The following GRIK3 variants were observed in gnomAD, a reference collection of about 807,000 sequenced individuals.
GRIK3 encodes glutamate receptor ionotropic, kainate 3.
Under a neutral mutation model 102.5 loss-of-function variants are expected in GRIK3, and 29 were observed. The ratio of observed to expected loss-of-function variants is 0.28; its 90% CI spans 0.21 to 0.39. The LOEUF is 0.39. GRIK3 is among the 10% of genes least tolerant of loss of function. The pLI, the probability that GRIK3 is intolerant of heterozygous loss-of-function variation, is 1.00. For missense variants in GRIK3, 908 were observed against 1,252.4 expected (o/e 0.73, Z 4.15); for synonymous variants, 511 against 504.9 (o/e 1.01, Z -0.16).
In GRIK3 at chr1:37,004,269, A is replaced by G. The variant is rs1642508972; in HGVS notation, c.115+29725T>C. 5.9e-5 allele frequency among the ~76,000 whole-genome samples: 9 copies of G among 152,224 alleles called. No individual in the cohort carries two copies. In the South Asian group the frequency reaches 1.9e-3, roughly 32 times the overall value. On this transcript the variant is annotated intron_variant, in intron 1 of 15. Coordinates refer to ENST00000373091, the MANE Select transcript of GRIK3 (RefSeq NM_000831.4). Reference sequence around the variant, plus strand: ...TCTCTGAGTCTCAATGTCCTTATCTATAAAGCAGAGATAATAATACCAGCC... The same window carrying G: ...TCTCTGAGTCTCAATGTCCTTATCTGTAAAGCAGAGATAATAATACCAGCC...
intron 2 of GRIK3, among the ~76,000 whole-genome samples, chr1:36,883,037 G>A (rs983423501): frequency 3.3e-5 from 5 of 152,180 alleles, no homozygotes; most frequent in Non-Finnish European, 7.3e-5. Flanking sequence ...ACAGAGCACC[G>A]AAGCAGGAAT....
Position 36,959,665 on chromosome 1 carries a change from CTG to C in GRIK3, c.116-68571_116-68570del, listed in dbSNP as rs1240428539. Among the ~76,000 whole-genome samples the C allele has an allele frequency of 1.5e-5, 2 of 136,202 alleles. 1 individual carries two copies. The highest frequency in any genetic ancestry group is 3.3e-5 in the Non-Finnish European group (2 of 61,140). The allele number at this position is 136,202 out of a possible 152,430, so 89.4% of individuals were successfully genotyped here. The stretch of plus-strand genomic sequence containing the variant: ...TATGTGTCCCATAAGCTTGTATGCC[CTG>C]TGAGTCTGTGTGCCCTGTGACTCTG... On this transcript the variant is annotated intron_variant, in intron 1 of 15. Coordinates refer to ENST00000373091, the MANE Select transcript of GRIK3 (RefSeq NM_000831.4).
At position 36,805,159 on chromosome 1, in the gene GRIK3, T is replaced by C. The variant is rs1642485135; in HGVS notation, c.2393A>G (p.Lys798Arg). The C allele has an allele frequency of 6.2e-7, 1 of 1,614,170 alleles. No individual in the cohort carries two copies. The stretch of plus-strand genomic sequence containing the variant: ...AGGACACCCGCTGCCCCGCCACCAC[T>C]TCTCCTTCATGATATGCAGCTTGTC... ...EEDKLHIMKE[K>R]WWRGSGCPEE... The change falls in exon 15 of 16, where the codon AAG (lysine) becomes AGG (arginine). Residue 798 changes from lysine to arginine, a missense_variant. Around this residue, in one of 3 missense-constraint regions of GRIK3, gnomAD observed 297 missense variants for 362.7 expected, o/e 0.82. Transcript: ENST00000373091.
At chr1:36,919,066 G>A (rs1641437734) in intron 1 of GRIK3, among the ~76,000 whole-genome samples, 1 of 152,216 alleles carries the variant, frequency 6.6e-6, no homozygotes. Flanking sequence ...CCATAGAGGG[G>A]ACTGTTTTTA....
At chr1:36,968,307 A>G (rs2124354966) in intron 1 of GRIK3, among the ~76,000 whole-genome samples, 1 of 138,496 alleles carries the variant, frequency 7.2e-6, no homozygotes, top group East Asian at 2.1e-4. Context: ...CCATAGATTT[A>G]TTTTTGTCTC....
intron 1 of GRIK3, among the ~76,000 whole-genome samples, chr1:36,995,706 T>C (rs1243394360): frequency 6.6e-6 from 1 of 152,200 alleles, no homozygotes; most frequent in Non-Finnish European, 1.5e-5. Context: ...TGGGTTGGTG[T>C]GCAGCCACAC....
At chr1:36,862,138 G>A (rs1640734144) in intron 5 of GRIK3, among the ~76,000 whole-genome samples, 1 of 152,156 alleles carries the variant, frequency 6.6e-6, no homozygotes, top group Admixed American at 6.5e-5. Flanking sequence ...TATTTCAATG[G>A]TGTGCTGCCA....
chr1:36,891,137 G>A, intron 1 of GRIK3, 41 bp from the exon 2 acceptor site: 1 of 1,498,940 alleles, frequency 6.7e-7, no homozygotes, highest in Non-Finnish European at 9.2e-7. Flanking sequence ...TGGGAGGAGG[G>A]ATGGGGCTCT....
At chr1:36,937,870 T>C (rs1641676862) in intron 1 of GRIK3, among the ~76,000 whole-genome samples, 1 of 152,168 alleles carries the variant, frequency 6.6e-6, no homozygotes, top group East Asian at 1.9e-4. Context: ...GGCTCTCACA[T>C]AACTAATGGC....
chr1:36,911,697 G>T (rs1211720468), intron 1 of GRIK3, among the ~76,000 whole-genome samples: 6 of 152,098 alleles, frequency 3.9e-5, no homozygotes, highest in Non-Finnish European at 8.8e-5. Context: ...ACCGTGTTGG[G>T]AGGATGGCTG....
chr1:37,026,721 G>A (rs1642768034), intron 1 of GRIK3, among the ~76,000 whole-genome samples: 1 of 152,042 alleles, frequency 6.6e-6, no homozygotes, highest in African/African-American at 2.4e-5. Context: ...CAGAGGTGCG[G>A]TGACTTCCCC....
intron 10 of GRIK3, among the ~76,000 whole-genome samples, chr1:36,831,075 G>C (rs954596939): frequency 6.6e-6 from 1 of 152,150 alleles, no homozygotes; most frequent in African/African-American, 2.4e-5. Context: ...GGCAGCTCTA[G>C]GGAACTAACA....
At chr1:36,896,827 C>T (rs1335058355) in intron 1 of GRIK3, among the ~76,000 whole-genome samples, 1 of 151,994 alleles carries the variant, frequency 6.6e-6, no homozygotes, top group Non-Finnish European at 1.5e-5. Flanking sequence ...AAAATTTATT[C>T]CTGGAATGCA....
intron 1 of GRIK3, among the ~76,000 whole-genome samples, chr1:37,019,859 C>T (rs1642692298): frequency 1.3e-5 from 2 of 152,188 alleles, no homozygotes; most frequent in South Asian, 4.1e-4. Context: ...TCAGCCAGAG[C>T]CCCTGAAGTA....
chr1:36,808,273 G>C (rs1002262986), intron 13 of GRIK3, among the ~76,000 whole-genome samples: 3 of 152,198 alleles, frequency 2.0e-5, no homozygotes, highest in Admixed American at 6.5e-5. Context: ...AGATTCTCCT[G>C]TTGTAGAAAG....
At chr1:36,923,495 C>T (rs1478208374) in intron 1 of GRIK3, among the ~76,000 whole-genome samples, 1 of 152,166 alleles carries the variant, frequency 6.6e-6, no homozygotes, top group Non-Finnish European at 1.5e-5. Flanking sequence ...AAGGCAGAAG[C>T]AGCAGGCCAC....
intron 1 of GRIK3, among the ~76,000 whole-genome samples, chr1:36,987,622 A>C (rs1251772781): frequency 6.6e-6 from 1 of 152,162 alleles, no homozygotes; most frequent in Non-Finnish European, 1.5e-5. Context: ...CTGAGGCTTC[A>C]GCACCCCAGC....
rs553067984 is a variant in GRIK3 at position 36,957,268 on chromosome 1, T to C, written c.116-66172A>G. On this transcript the variant is annotated intron_variant, in intron 1 of 15. Transcript: ENST00000373091. ...CATGAGCCTCTGTGCTCTGTGAGCC[T>C]ACCTGTTCTGTGAGTCTGTGTGCCC... Among the ~76,000 whole-genome samples, 47 of 152,332 alleles carry C rather than the reference T, an allele frequency of 3.1e-4. 1 individual carries two copies. In the South Asian group the frequency reaches 7.5e-3, roughly 24 times the overall value.
intron 1 of GRIK3, among the ~76,000 whole-genome samples, chr1:36,982,922 T>A (rs1378496552): frequency 2.0e-5 from 3 of 151,952 alleles, no homozygotes; most frequent in Non-Finnish European, 2.9e-5. Flanking sequence ...CGCTGACAGC[T>A]CCCCAGAACC....
Sources: gnomAD v4.1 joint callset for allele counts (sites outside exome capture counted in the v4.1 genomes callset) on GRCh38, gnomAD v4.1.1 for gene constraint, gnomAD v4.1.1 regional missense constraint, MANE v1.5 for transcripts, NCBI Gene and HGNC (gene_info 2026-07-23, HGNC 2026-07-21) for gene names.